Variants in ADAM20 observed in about 807,000 individuals in gnomAD.
ADAM20 encodes the protein ADAM metallopeptidase domain 20.
For synonymous variants in ADAM20, 305 were observed against 310.2 expected (o/e 0.98, Z 0.18); for missense variants, 871 against 883.2 (o/e 0.99, Z 0.18).
At chr14:70,570,262 A>G in the ADAM20 span, among the ~76,000 whole-genome samples, 1 of 152,196 alleles carries the variant, frequency 6.6e-6, no homozygotes, top group Non-Finnish European at 1.5e-5. Context: ...CAAAGGTATC[A>G]GAAAAAAAAG....
At chr14:70,543,339 T>C in the ADAM20 span, among the ~76,000 whole-genome samples, 8 of 152,242 alleles carry the variant, frequency 5.3e-5, no homozygotes, top group Non-Finnish European at 1.5e-5. Flanking sequence ...TAGGGTGGAA[T>C]AGCAGACAGA....
the ADAM20 span, among the ~76,000 whole-genome samples, chr14:70,563,601 G>A: frequency 6.6e-6 from 1 of 152,164 alleles, no homozygotes; most frequent in Non-Finnish European, 1.5e-5. Context: ...GGTGGAACCT[G>A]TTAGGAGGTG....
In ADAM20 at chr14:70,524,474, T is replaced by C. The variant is rs760242363; in HGVS notation, c.284A>G (p.Gln95Arg). 6.2e-7 allele frequency: 1 copy of C among 1,614,044 alleles called. No individual in the cohort carries two copies. Among genetic ancestry groups the C allele is most frequent in the South Asian group, 1.1e-5 (1 of 91,088 alleles). The change falls in exon 2 of 2, where the codon CAG becomes CGG. Residue 95 changes from glutamine to arginine, a missense_variant. Physicochemically the swap from Gln to Arg is conservative, Grantham distance 43. Transcript: ENST00000256389. Reference protein sequence around the residue: ...AHLPVFTYTEQHALLQDQPFI... With the variant: ...AHLPVFTYTERHALLQDQPFI... ...GGGCTGATCCTGGAGCAGGGCATGC[T>C]GCTCTGTGTAGGTGAACACAGGAAG...
At chr14:70,573,788 A>G in the ADAM20 span, among the ~76,000 whole-genome samples, 1 of 152,348 alleles carries the variant, frequency 6.6e-6, no homozygotes, top group Non-Finnish European at 1.5e-5. Flanking sequence ...ACAAGACACA[A>G]AAAAGATCAT....
chr14:70,572,089 A>C, the ADAM20 span, among the ~76,000 whole-genome samples: 28 of 152,330 alleles, frequency 1.8e-4, no homozygotes, highest in African/African-American at 6.7e-4. Context: ...AATTCCTATG[A>C]AATTACCAAT....
the ADAM20 span, chr14:70,556,471 T>C: frequency 2.6e-5 from 4 of 152,294 alleles, no homozygotes; most frequent in African/African-American, 9.7e-5. Flanking sequence ...CAGCACCCCT[T>C]TGGAAAACTA....
intron 1 of ADAM20, among the ~76,000 whole-genome samples, chr14:70,533,192 C>G (rs1208809104): frequency 2.6e-5 from 4 of 152,178 alleles, no homozygotes; most frequent in Admixed American, 2.6e-4. Context: ...GACAGTGTGG[C>G]AATTCCTCAA....
At chr14:70,546,359 C>A in the ADAM20 span, among the ~76,000 whole-genome samples, 2 of 152,000 alleles carry the variant, frequency 1.3e-5, no homozygotes, top group Admixed American at 6.6e-5. Flanking sequence ...CCAAGGTGGT[C>A]GAGGCACAGC....
upstream of ADAM20, among the ~76,000 whole-genome samples, chr14:70,537,418 C>T (rs117437188): frequency 8.4e-3 from 1,277 of 152,250 alleles, 13 homozygotes; most frequent in Non-Finnish European, 0.011. Context: ...TGATTCCAAC[C>T]GCAACATCCA....
chr14:70,569,953 T>C, the ADAM20 span, among the ~76,000 whole-genome samples: 1 of 138,420 alleles, frequency 7.2e-6, no homozygotes, highest in African/African-American at 2.6e-5. Context: ...CAAAAGTACC[T>C]AATAGACATC....
rs78610973 is a variant in ADAM20, at chr14:70,523,134, C to T, written c.1624G>A (p.Gly542Ser). 3.0e-4 allele frequency: 487 copies of T among 1,613,918 alleles called. 4 individuals carry two copies. The East Asian group carries it at 9.1e-3, about 30-fold the overall frequency. The part of the protein sequence containing the change: ...QEINTQGNRF[G>S]HCGIVGTTYV... ...GTTGTGCCTACAATACCACAGTGAC[C>T]GAAACGGTTTCCTTGGGTGTTGATT... Residue 542 changes from glycine (G) to serine (S), a missense_variant, in exon 2 of 2, where the codon GGT becomes AGT. Transcript: ENST00000256389.
the ADAM20 span, among the ~76,000 whole-genome samples, chr14:70,541,488 C>T: frequency 1.3e-5 from 2 of 152,072 alleles, no homozygotes; most frequent in South Asian, 2.1e-4. Context: ...TTTTAAAACA[C>T]TAACCTGCTC....
At chr14:70,567,932 C>T in the ADAM20 span, among the ~76,000 whole-genome samples, 1 of 152,114 alleles carries the variant, frequency 6.6e-6, no homozygotes, top group African/African-American at 2.4e-5. Flanking sequence ...AAGATCTCAG[C>T]GGGCCCCAAC....
At chr14:70,568,910 A>G in the ADAM20 span, among the ~76,000 whole-genome samples, 2 of 152,158 alleles carry the variant, frequency 1.3e-5, no homozygotes, top group East Asian at 1.9e-4. Flanking sequence ...AATTTCCCTA[A>G]TCTTGCTAGA....
the ADAM20 span, among the ~76,000 whole-genome samples, chr14:70,576,808 C>T: frequency 1.3e-4 from 20 of 152,246 alleles, no homozygotes; most frequent in East Asian, 3.5e-3. Flanking sequence ...GCCACTGAAA[C>T]ACTTACAAAA....
Position 70,523,102 on chromosome 14 carries a change from T to C in ADAM20, c.1656A>G (p.Val552=). The C allele has an allele frequency of 6.2e-7, 1 of 1,614,010 alleles. No homozygotes were observed. Among genetic ancestry groups the C allele is most frequent in the Non-Finnish European group, 8.5e-7 (1 of 1,179,954 alleles). ...ACATGATATCAGGGGTCCAACATTT[T>C]ACATATGTTGTGCCTACAATACCAC... ...GHCGIVGTTY[V]KCWTPDIMCG... is the part of the protein sequence containing the mutation. Residue 552 remains valine (V), a synonymous_variant, in exon 2 of 2, where the codon GTA becomes GTG. Transcript: ENST00000256389.
At chr14:70,547,596 C>G in the ADAM20 span, 1 of 58,388 alleles carries the variant, frequency 1.7e-5, no homozygotes, top group African/African-American at 7.0e-5. Context: ...CTTTTCAGAC[C>G]GGCTTAAGAA....
At chr14:70,528,581 G>T (rs1883641965) in intron 1 of ADAM20, among the ~76,000 whole-genome samples, 1 of 152,252 alleles carries the variant, frequency 6.6e-6, no homozygotes, top group Admixed American at 6.5e-5. Context: ...TAAACAAAAA[G>T]GTTTCCTCAT....
chr14:70,543,320 T>C, the ADAM20 span, among the ~76,000 whole-genome samples: 800 of 152,360 alleles, frequency 5.3e-3, 6 homozygotes, highest in African/African-American at 0.018. Context: ...CTATATACTG[T>C]AGCACCCTTA....
Sources: gnomAD v4.1 joint callset for allele counts (sites outside exome capture counted in the v4.1 genomes callset) on GRCh38, gnomAD v4.1.1 for gene constraint, MANE v1.5 for transcripts, NCBI Gene and HGNC (gene_info 2026-07-23, HGNC 2026-07-21) for gene names.